The following PCDH9 variants were observed in gnomAD, a reference collection of about 807,000 sequenced individuals.
The protein encoded by PCDH9 is protocadherin-9.
PCDH9 carries 24 observed loss-of-function variants against 70.6 expected under a neutral mutation model. That is an observed-to-expected ratio of 0.34 (90% CI 0.25 to 0.48). PCDH9 has a LOEUF of 0.48. Ranked by LOEUF, PCDH9 falls within the 20% of genes least tolerant of loss-of-function variation. The pLI is 0.99. For missense variants in PCDH9, 1,281 were observed against 1,503.6 expected, an observed-to-expected ratio of 0.85 and a Z score of 2.45; for synonymous variants, 562 against 558.5, an observed-to-expected ratio of 1.01 and a Z score of -0.09.
chr13:67,103,085 T>G (rs2086466195), intron 2 of PCDH9, among the ~76,000 whole-genome samples: 1 of 152,120 alleles, frequency 6.6e-6, no homozygotes, highest in Non-Finnish European at 1.5e-5. Flanking sequence ...CACATGTTTT[T>G]AAATGTTTTT....
chr13:66,430,170 A>G (rs1248399655), intron 4 of PCDH9, among the ~76,000 whole-genome samples: 1 of 152,098 alleles, frequency 6.6e-6, no homozygotes, highest in Non-Finnish European at 1.5e-5. Flanking sequence ...TCTTTATTCA[A>G]TCACACAGCA....
chr13:67,122,350 T>C (rs1449311359), intron 2 of PCDH9, among the ~76,000 whole-genome samples: 2 of 152,160 alleles, frequency 1.3e-5, no homozygotes, highest in Non-Finnish European at 2.9e-5. Context: ...AATTCATCGT[T>C]TAAAAAGAGT....
intron 4 of PCDH9, among the ~76,000 whole-genome samples, chr13:66,438,947 G>A (rs1355210444): frequency 6.6e-6 from 1 of 152,172 alleles, no homozygotes; most frequent in African/African-American, 2.4e-5. Context: ...TCTTCCCAAT[G>A]CTGAAACTTT....
At chr13:67,119,999 C>T (rs2086846935) in intron 2 of PCDH9, among the ~76,000 whole-genome samples, 1 of 151,900 alleles carries the variant, frequency 6.6e-6, no homozygotes, top group Non-Finnish European at 1.5e-5. Flanking sequence ...ATATATTCAT[C>T]TTACGCTAAT....
At chr13:66,692,490 T>C (rs1593903279) in intron 3 of PCDH9, among the ~76,000 whole-genome samples, 1 of 151,878 alleles carries the variant, frequency 6.6e-6, no homozygotes, top group African/African-American at 2.4e-5. Flanking sequence ...TAAAAGAAAA[T>C]AATGTTCTGA....
In PCDH9 at chr13:67,008,350, G is replaced by A. The variant is rs1285921503; in HGVS notation, c.3037-104745C>T. On this transcript the variant is annotated intron_variant, in intron 2 of 4. Transcript: ENST00000377865. Reference sequence around the variant, plus strand: ...TCTATGTAAACAATTTAGGCAAGGAGAAATCAGCTAGTACACAATCTATAA... The same window carrying A: ...TCTATGTAAACAATTTAGGCAAGGAAAAATCAGCTAGTACACAATCTATAA... Among the ~76,000 whole-genome samples the A allele has an allele frequency of 2.6e-5, 4 of 152,080 alleles. No homozygotes were observed. In the South Asian group the frequency reaches 6.2e-4, roughly 24 times the overall value.
In PCDH9 at chr13:67,090,862, G is replaced by T. The variant is rs534320054; in HGVS notation, c.3036+134543C>A. On this transcript the variant is annotated intron_variant, in intron 2 of 4. Transcript: ENST00000377865. ...TTGTAGATGAAGAAACGGTGTCGCA[G>T]GTTACAGTTTAAATGACTTCATCTA... 5.3e-5 allele frequency among the ~76,000 whole-genome samples: 8 copies of T among 152,086 alleles called. No homozygotes were observed. The East Asian group carries it at 1.5e-3, about 29-fold the overall frequency.
intron 3 of PCDH9, among the ~76,000 whole-genome samples, chr13:66,775,255 G>A (rs898194831): frequency 3.3e-5 from 5 of 152,150 alleles, no homozygotes; most frequent in Admixed American, 1.3e-4. Flanking sequence ...TTTTCCATAC[G>A]CCTAATGTTG....
At chr13:67,216,494 T>C (rs2089604840) in intron 2 of PCDH9, 1 of 151,630 alleles carries the variant, frequency 6.6e-6, no homozygotes, top group African/African-American at 2.4e-5. Context: ...ATTATTACTC[T>C]ATATACCTAA....
chr13:66,779,815 ATCTCTCTCTC>A (rs1225450927), intron 3 of PCDH9, among the ~76,000 whole-genome samples: 4 of 100,928 alleles, frequency 4.0e-5, no homozygotes, highest in Non-Finnish European at 5.6e-5. Flanking sequence ...GCGAGACTCC[ATCTCTCTCTC>A]TCTCTCTCTC....
intron 4 of PCDH9, among the ~76,000 whole-genome samples, chr13:66,381,051 C>A (rs1387609227): frequency 1.3e-5 from 2 of 152,080 alleles, no homozygotes; most frequent in Non-Finnish European, 2.9e-5. Context: ...CATCTTTACT[C>A]TTGTCAAAAA....
chr13:66,996,970 G>T (rs769509195), intron 2 of PCDH9, among the ~76,000 whole-genome samples: 2 of 152,148 alleles, frequency 1.3e-5, no homozygotes, highest in South Asian at 4.1e-4. Context: ...GGTTAAGTTT[G>T]ATTAGATATG....
intron 3 of PCDH9, among the ~76,000 whole-genome samples, chr13:66,732,080 A>C (rs2079086628): frequency 6.6e-6 from 1 of 151,886 alleles, no homozygotes; most frequent in Non-Finnish European, 1.5e-5. Flanking sequence ...AAAATTCAAT[A>C]TTTGGTTTTA....
chr13:66,735,060 T>C (rs2079127637), intron 3 of PCDH9, among the ~76,000 whole-genome samples: 2 of 152,316 alleles, frequency 1.3e-5, no homozygotes, highest in Non-Finnish European at 2.9e-5. Flanking sequence ...CATGAATATA[T>C]ATAGTACTGG....
At chr13:67,214,697 T>C (rs923682445) in intron 2 of PCDH9, 1 of 151,694 alleles carries the variant, frequency 6.6e-6, no homozygotes, top group Admixed American at 6.6e-5. Flanking sequence ...GAAGATCAAT[T>C]TTCCAAAAGT....
chr13:67,114,194 T>G (rs1413177236), intron 2 of PCDH9, among the ~76,000 whole-genome samples: 1 of 152,222 alleles, frequency 6.6e-6, no homozygotes, highest in East Asian at 1.9e-4. Flanking sequence ...TTTTTAAAAT[T>G]TCTCTCCTAA....
At chr13:66,333,382 A>G (rs1287895332) in intron 4 of PCDH9, among the ~76,000 whole-genome samples, 1 of 152,150 alleles carries the variant, frequency 6.6e-6, no homozygotes, top group Non-Finnish European at 1.5e-5. Context: ...GGCACCCTGT[A>G]TGAAGGCTAG....
chr13:66,742,820 C>T (rs1210352068), intron 3 of PCDH9, among the ~76,000 whole-genome samples: 2,306 of 148,448 alleles, frequency 0.016, 65 homozygotes, highest in African/African-American at 0.054. Context: ...GTTAGAATGG[C>T]AATCATTAAA....
At chr13:67,093,158 T>TA in intron 2 of PCDH9, among the ~76,000 whole-genome samples, 1 of 152,246 alleles carries the variant, frequency 6.6e-6, no homozygotes, top group South Asian at 2.1e-4. Context: ...AGTTTGTCTT[T>TA]AAAAGAGCAA....
Sources: allele counts gnomAD v4.1 joint callset (sites outside exome capture counted in the v4.1 genomes callset), GRCh38; gene constraint gnomAD v4.1.1; transcripts MANE v1.5; gene names NCBI Gene and HGNC (gene_info 2026-07-23, HGNC 2026-07-21).